The following OXCT1 variants were observed in gnomAD, a reference collection of about 807,000 sequenced individuals.
OXCT1 encodes 3-oxoacid CoA-transferase 1.
OXCT1 carries 27 observed loss-of-function variants against 69.6 expected under a neutral mutation model. The observed-to-expected ratio is 0.39, with a 90% CI of 0.29 to 0.54. The LOEUF (loss-of-function observed/expected upper bound fraction) is 0.54, where lower values mean the gene tolerates loss of function less well. OXCT1 is among the 20% of genes least tolerant of loss of function. The pLI is 0.72. For synonymous variants in OXCT1, 202 were observed against 217.8 expected, an observed-to-expected ratio of 0.93 and a Z score of 0.64; for missense variants, 437 against 650.2, an observed-to-expected ratio of 0.67 and a Z score of 3.57.
intron 7 of OXCT1, among the ~76,000 whole-genome samples, chr5:41,834,184 T>C (rs1748239931): frequency 6.7e-6 from 1 of 148,808 alleles, no homozygotes; most frequent in Non-Finnish European, 1.5e-5. Context: ...AAGCAAGAAA[T>C]CAAAGCACCC....
chr5:41,869,346 C>T (rs1750165131), intron 1 of OXCT1, among the ~76,000 whole-genome samples: 1 of 152,190 alleles, frequency 6.6e-6, no homozygotes, highest in Non-Finnish European at 1.5e-5. Flanking sequence ...GGAAGAGGCT[C>T]CCGCGATTGA....
chr5:41,758,822 C>A (rs1181054229), intron 14 of OXCT1, among the ~76,000 whole-genome samples: 1 of 151,970 alleles, frequency 6.6e-6, no homozygotes, highest in African/African-American at 2.4e-5. Flanking sequence ...TAAAGACATA[C>A]CTCAGAAATT....
intron 14 of OXCT1, among the ~76,000 whole-genome samples, chr5:41,760,877 C>A (rs145188913): frequency 6.6e-6 from 1 of 152,108 alleles, no homozygotes; most frequent in African/African-American, 2.4e-5. Context: ...GTTTTCACAA[C>A]AAAATCATTT....
At chr5:41,794,227 C>A in intron 12 of OXCT1, 149 bp from the exon 13 acceptor site, 1 of 685,784 alleles carries the variant, frequency 1.5e-6, no homozygotes, top group South Asian at 1.6e-5. Context: ...CAGCTCCATG[C>A]TGACAGAGAA....
chr5:41,734,508 G>GC (rs1742791796), intron 16 of OXCT1, among the ~76,000 whole-genome samples: 1 of 151,984 alleles, frequency 6.6e-6, no homozygotes, highest in African/African-American at 2.4e-5. Flanking sequence ...TAATACTTTC[G>GC]CCCATCAAGT....
At chr5:41,784,838 C>A (rs977467131) in intron 13 of OXCT1, among the ~76,000 whole-genome samples, 2 of 152,124 alleles carry the variant, frequency 1.3e-5, no homozygotes, top group African/African-American at 4.8e-5. Context: ...GGCTTTTAAA[C>A]CTTAATCACA....
intron 7 of OXCT1, among the ~76,000 whole-genome samples, chr5:41,817,422 G>A (rs1255710803): frequency 6.6e-6 from 1 of 152,080 alleles, no homozygotes; most frequent in African/African-American, 2.4e-5. Flanking sequence ...TTGCATGACC[G>A]TTAAGTCTAT....
At chr5:41,795,318 C>T (rs1554013761) in intron 11 of OXCT1, among the ~76,000 whole-genome samples, 2 of 152,156 alleles carry the variant, frequency 1.3e-5, no homozygotes, top group Non-Finnish European at 2.9e-5. Context: ...GGCCATGGAC[C>T]GGTACTGGTC....
intron 14 of OXCT1, among the ~76,000 whole-genome samples, chr5:41,758,001 A>G (rs1199757290): frequency 5.3e-5 from 8 of 152,116 alleles, no homozygotes; most frequent in African/African-American, 1.7e-4. Context: ...GTGCTTGATT[A>G]CCAGGACGTA....
At chr5:41,760,287 A>C (rs552226344) in intron 14 of OXCT1, among the ~76,000 whole-genome samples, 34 of 152,142 alleles carry the variant, frequency 2.2e-4, no homozygotes, top group Non-Finnish European at 4.4e-4. Flanking sequence ...TATTTTAATC[A>C]TAAGTACATT....
chr5:41,732,910 GT>G (rs1742706751), intron 16 of OXCT1, among the ~76,000 whole-genome samples: 1 of 152,090 alleles, frequency 6.6e-6, no homozygotes, highest in Non-Finnish European at 1.5e-5. Flanking sequence ...AGTATCAAGA[GT>G]TAATGTCTTG....
At chr5:41,735,317 C>T (rs901934425) in intron 16 of OXCT1, among the ~76,000 whole-genome samples, 1 of 152,148 alleles carries the variant, frequency 6.6e-6, no homozygotes, top group African/African-American at 2.4e-5. Flanking sequence ...ACCCTGAATA[C>T]ATTATGCTAA....
chr5:41,809,036 G>A (rs1746829623), intron 7 of OXCT1, among the ~76,000 whole-genome samples: 1 of 151,860 alleles, frequency 6.6e-6, no homozygotes, highest in Admixed American at 6.6e-5. Context: ...AATAAACATG[G>A]TGTAGCCATG....
chr5:41,795,013 A>C (rs763417676), intron 11 of OXCT1, among the ~76,000 whole-genome samples: 13 of 152,236 alleles, frequency 8.5e-5, no homozygotes, highest in Non-Finnish European at 1.3e-4. Flanking sequence ...TCTCTACAGC[A>C]GCAGTCCCCT....
chr5:41,794,392 G>A, intron 12 of OXCT1: 1 of 594,898 alleles, frequency 1.7e-6, no homozygotes. Flanking sequence ...AACACAGTTT[G>A]AAGAAAATGT....
chr5:41,756,175 T>G (rs2112078518), intron 14 of OXCT1, among the ~76,000 whole-genome samples: 1 of 152,216 alleles, frequency 6.6e-6, no homozygotes, highest in South Asian at 2.1e-4. Context: ...AAACCTGTTT[T>G]AGTAATAGAG....
intron 7 of OXCT1, among the ~76,000 whole-genome samples, chr5:41,813,753 GTATGCCCCTAGAA>G (rs1747097858): frequency 2.0e-5 from 3 of 148,264 alleles, no homozygotes; most frequent in African/African-American, 7.9e-5. Flanking sequence ...CCCAAGAATG[GTATGCCCCTAGAA>G]CAAACCAATT....
intron 15 of OXCT1, chr5:41,739,870 C>CAAAAA: frequency 1.3e-5 from 1 of 76,762 alleles, no homozygotes; most frequent in Non-Finnish European, 2.8e-5. Flanking sequence ...GACTCTGTCT[C>CAAAAA]AAAAAAAAAA....
intron 15 of OXCT1, among the ~76,000 whole-genome samples, chr5:41,740,202 C>T (rs1375108683): frequency 6.6e-6 from 1 of 152,012 alleles, no homozygotes; most frequent in African/African-American, 2.4e-5. Flanking sequence ...GGTGAAAGCA[C>T]ATGAATGACA....
Sources: allele counts gnomAD v4.1 joint callset (sites outside exome capture counted in the v4.1 genomes callset), GRCh38; gene constraint gnomAD v4.1.1; transcripts MANE v1.5; gene names NCBI Gene and HGNC (gene_info 2026-07-23, HGNC 2026-07-21).